Variants in PLCG2 observed in about 807,000 individuals in gnomAD.
PLCG2 encodes the protein 1-phosphatidylinositol 4,5-bisphosphate phosphodiesterase gamma-2.
In PLCG2, 69 loss-of-function variants were observed where a neutral mutation model predicts 175.6. The ratio of observed to expected loss-of-function variants is 0.39; its 90% CI spans 0.32 to 0.48. PLCG2 has a LOEUF of 0.48. Among genes scored for constraint, PLCG2 ranks in the 20% least tolerant of loss-of-function variants. PLCG2 has a pLI of 0.91. For missense variants in PLCG2, 1,798 were observed against 1,650.9 expected (o/e 1.09, Z -1.54); for synonymous variants, 827 against 624.0 (o/e 1.33, Z -4.85).
At chr16:81,836,286 G>A (rs1244181670) in intron 2 of PLCG2, among the ~76,000 whole-genome samples, 2 of 152,236 alleles carry the variant, frequency 1.3e-5, no homozygotes, top group Non-Finnish European at 2.9e-5. Flanking sequence ...GGTAGTGGCA[G>A]TGGGACTGGA....
intron 5 of PLCG2, 185 bp downstream of exon 5, chr16:81,859,348 C>G: frequency 5.5e-6 from 3 of 544,804 alleles, no homozygotes; most frequent in South Asian, 2.3e-5. Context: ...TGGAGGGAGC[C>G]TCTATTCCGC....
chr16:81,921,441 T>G (rs1227984406), intron 21 of PLCG2, 172 bp downstream of exon 21: 2 of 665,150 alleles, frequency 3.0e-6, no homozygotes, highest in African/African-American at 3.6e-5. Flanking sequence ...TCAAGCCTAG[T>G]TTCAGGGAAA....
chr16:81,840,724 G>A (rs1210394740), intron 2 of PLCG2, among the ~76,000 whole-genome samples: 2 of 152,208 alleles, frequency 1.3e-5, no homozygotes, highest in African/African-American at 4.8e-5. Context: ...ACCTCCTGCT[G>A]TGCGGCTCGA....
intron 27 of PLCG2, 178 bp from the exon 28 acceptor site, chr16:81,937,580 G>C (rs1165824859): frequency 8.7e-6 from 4 of 459,674 alleles, no homozygotes; most frequent in African/African-American, 2.0e-5. Flanking sequence ...GTGTTCCCCA[G>C]TCTGGGAGTT....
chr16:81,778,022 A>AAAAC, upstream of PLCG2, among the ~76,000 whole-genome samples: 1 of 83,378 alleles, frequency 1.2e-5, no homozygotes, highest in African/African-American at 5.0e-5. Context: ...GTCTCAAAAA[A>AAAAC]AAAAAAAAAC....
At chr16:81,916,750 G>A (rs763108024) in intron 19 of PLCG2, among the ~76,000 whole-genome samples, 6 of 152,088 alleles carry the variant, frequency 3.9e-5, no homozygotes, top group Non-Finnish European at 8.8e-5. Context: ...GGAGTCTCCT[G>A]CCTCAGGCTC....
intron 5 of PLCG2, 116 bp downstream of exon 5, chr16:81,859,279 A>T: frequency 1.4e-6 from 1 of 695,704 alleles, no homozygotes; most frequent in Middle Eastern, 2.4e-4. Flanking sequence ...CACTGCGTCC[A>T]TTGTGATCTG....
chr16:81,781,994 C>G (rs191852855), intron 1 of PLCG2, among the ~76,000 whole-genome samples: 2 of 152,064 alleles, frequency 1.3e-5, no homozygotes, highest in Non-Finnish European at 2.9e-5. Flanking sequence ...GCCTCAGCCT[C>G]ACGAGTAGCT....
At chr16:81,826,965 C>T (rs1274617035) in intron 2 of PLCG2, among the ~76,000 whole-genome samples, 2 of 152,222 alleles carry the variant, frequency 1.3e-5, no homozygotes, top group African/African-American at 2.4e-5. Flanking sequence ...GATGAGATGA[C>T]TGAAGATAGG....
chr16:81,754,452 C>CCT (rs1213753645), intron 1 of PLCG2, among the ~76,000 whole-genome samples: 3 of 8 alleles, frequency 0.38, 1 homozygote, highest in Non-Finnish European at 0.5. Flanking sequence ...CACCTCCTCC[C>CCT]CACCACCTCA....
chr16:81,908,842 G>T (rs1187693387), intron 17 of PLCG2, among the ~76,000 whole-genome samples: 1 of 152,172 alleles, frequency 6.6e-6, no homozygotes, highest in Admixed American at 6.5e-5. Flanking sequence ...AGTCTGTGAT[G>T]AACAAAATAT....
intron 2 of PLCG2, among the ~76,000 whole-genome samples, chr16:81,800,547 G>A (rs960037371): frequency 4.6e-5 from 7 of 152,026 alleles, no homozygotes; most frequent in Admixed American, 6.5e-5. Flanking sequence ...ACACGATCTC[G>A]TTCCGTTTTA....
intron 2 of PLCG2, among the ~76,000 whole-genome samples, chr16:81,773,789 C>T (rs9932724): frequency 0.058 from 8,822 of 152,156 alleles, 442 homozygotes; most frequent in African/African-American, 0.14. Flanking sequence ...GAAAGTGAAG[C>T]TTACAGCGGC....
At chr16:81,761,349 G>C (rs1910037538) in intron 2 of PLCG2, among the ~76,000 whole-genome samples, 1 of 152,108 alleles carries the variant, frequency 6.6e-6, no homozygotes, top group African/African-American at 2.4e-5. Context: ...TGGGCAACAG[G>C]GCCAGACCTT....
chr16:81,752,460 C>T (rs1207756789), intron 1 of PLCG2, among the ~76,000 whole-genome samples: 1 of 152,164 alleles, frequency 6.6e-6, no homozygotes, highest in Non-Finnish European at 1.5e-5. Context: ...AGGCGGCTGG[C>T]CGTGGCAGCA....
In PLCG2 at chr16:81,797,001, G is replaced by T. The variant is rs1257255408; in HGVS notation, c.193+10819G>T. ...CAGCCACTGATACTATGGATGGGTT[G>T]TGGTTTGTCATAACGGAATTTAAGA... On this transcript the variant is annotated intron_variant, in intron 2 of 32. Transcript: ENST00000564138. Among the ~76,000 whole-genome samples, 3 of 152,232 alleles carry T rather than the reference G, an allele frequency of 2.0e-5. No homozygotes were observed. The East Asian group carries it at 5.8e-4, about 29-fold the overall frequency.
chr16:81,746,838 A>T (rs1909716885), intron 1 of PLCG2, among the ~76,000 whole-genome samples: 1 of 152,196 alleles, frequency 6.6e-6, no homozygotes, highest in Non-Finnish European at 1.5e-5. Flanking sequence ...GAGCCTACAA[A>T]GCAAACAGAT....
intron 1 of PLCG2, among the ~76,000 whole-genome samples, chr16:81,744,767 T>C (rs1909671125): frequency 6.6e-6 from 1 of 151,918 alleles, no homozygotes; most frequent in Admixed American, 6.6e-5. Context: ...AGTCTCACTA[T>C]GTTGCCCAGG....
intron 2 of PLCG2, among the ~76,000 whole-genome samples, chr16:81,815,501 T>A (rs1403649262): frequency 6.6e-6 from 1 of 152,198 alleles, no homozygotes; most frequent in African/African-American, 2.4e-5. Flanking sequence ...AACACTGCCA[T>A]GGTTGGGGGC....
Sources: allele counts gnomAD v4.1 joint callset (sites outside exome capture counted in the v4.1 genomes callset), GRCh38; gene constraint gnomAD v4.1.1; transcripts MANE v1.5; gene names NCBI Gene and HGNC (gene_info 2026-07-23, HGNC 2026-07-21).